Variants in ADRA1A observed in about 807,000 individuals in gnomAD.
ADRA1A encodes the protein alpha-1A adrenergic receptor.
In ADRA1A, 31 loss-of-function variants were observed where a neutral mutation model predicts 29.6. The ratio of observed to expected loss-of-function variants is 1.05; its 90% CI spans 0.79 to 1.41. The LOEUF is 1.41. ADRA1A is among the 40% of genes most tolerant of loss of function. The pLI, the probability that ADRA1A is intolerant of heterozygous loss-of-function variation, is 0.00. For synonymous variants in ADRA1A, 311 were observed against 254.3 expected (o/e 1.22, Z -2.12); for missense variants, 619 against 601.1 (o/e 1.03, Z -0.31).
At chr8:26,862,745 T>C (rs897875315) in intron 2 of ADRA1A, among the ~76,000 whole-genome samples, 8 of 152,228 alleles carry the variant, frequency 5.3e-5, no homozygotes, top group African/African-American at 1.4e-4. Flanking sequence ...GACCTATATC[T>C]CTGCTGTCTA....
intron 2 of ADRA1A, among the ~76,000 whole-genome samples, chr8:26,863,759 TAG>T (rs1813650889): frequency 6.6e-6 from 1 of 152,302 alleles, no homozygotes; most frequent in South Asian, 2.1e-4. Context: ...ACTCTGAGAC[TAG>T]AGAGAGCAGA....
intron 2 of ADRA1A, among the ~76,000 whole-genome samples, chr8:26,759,652 T>C (rs1016717431): frequency 8.5e-5 from 13 of 152,226 alleles, no homozygotes; most frequent in East Asian, 7.7e-4. Context: ...CTCTGCCCGA[T>C]GCTCAGCTTT....
chr8:26,809,178 A>G (rs1809205398), intron 2 of ADRA1A, among the ~76,000 whole-genome samples: 1 of 152,214 alleles, frequency 6.6e-6, no homozygotes. Flanking sequence ...ATTCCCCTAA[A>G]CAAACTTTAC....
intron 2 of ADRA1A, among the ~76,000 whole-genome samples, chr8:26,820,011 G>A (rs1208559211): frequency 1.3e-5 from 2 of 152,088 alleles, no homozygotes; most frequent in African/African-American, 4.8e-5. Context: ...CAGAAAAAAA[G>A]GTCGTTATAT....
At chr8:26,804,582 G>T (rs1808827833) in intron 2 of ADRA1A, among the ~76,000 whole-genome samples, 1 of 152,154 alleles carries the variant, frequency 6.6e-6, no homozygotes, top group Admixed American at 6.5e-5. Context: ...TTTGCCTGGG[G>T]ACAGAATCCG....
intron 2 of ADRA1A, among the ~76,000 whole-genome samples, chr8:26,859,622 C>G (rs1417362066): frequency 6.6e-6 from 1 of 152,076 alleles, no homozygotes; most frequent in Admixed American, 6.5e-5. Context: ...CCAGTACATT[C>G]TTGGAGGAAA....
intron 2 of ADRA1A, among the ~76,000 whole-genome samples, chr8:26,837,807 A>G (rs1811495424): frequency 6.6e-6 from 1 of 152,124 alleles, no homozygotes; most frequent in Non-Finnish European, 1.5e-5. Context: ...GTGAGCTGAC[A>G]TGTTTGGAGA....
At chr8:26,845,966 G>T (rs1283029164) in intron 2 of ADRA1A, among the ~76,000 whole-genome samples, 1 of 151,942 alleles carries the variant, frequency 6.6e-6, no homozygotes, top group Non-Finnish European at 1.5e-5. Flanking sequence ...TTCATTCTGG[G>T]GTCATGAAGT....
chr8:26,859,303 G>A (rs770362846), intron 2 of ADRA1A: 30 of 769,564 alleles, frequency 3.9e-5, no homozygotes, highest in East Asian at 6.4e-5. Flanking sequence ...ATAACATCTC[G>A]TTGACGACCC....
At position 26,769,343 on chromosome 8, in the gene ADRA1A, G is replaced by A. The variant is rs901762495; in HGVS notation, c.*806C>T. The A allele has an allele frequency of 2.9e-5, 29 of 985,168 alleles. No homozygotes were observed. Among genetic ancestry groups the A allele is most frequent in the Admixed American group, 6.1e-5 (1 of 16,264 alleles). 61.0% of individuals were successfully genotyped at this position (985,168 alleles called of 1,614,324 possible). On this transcript the variant is annotated 3_prime_UTR_variant, in exon 3 of 3. Transcript: ENST00000380573. ...TTAGAGAGAAAGCCTATCATCATCT[G>A]ATCTTGGAACTGTTTAATGGATTTT...
Position 26,756,773 on chromosome 8 carries a change from T to A in ADRA1A, c.1276A>T (p.Thr426Ser), listed in dbSNP as rs564092223. ...GGAAGCTGGCTTCATGTCATGGGTG[T>A]GTGTCCCTTTAAAACACAAGGTAGA... Residue 426 changes from threonine (T) to serine (S), a missense_variant, in exon 3 of 3, where the codon ACA (threonine) becomes TCA (serine). Coordinates refer to the ADRA1A transcript ENST00000380582. The A allele has an allele frequency of 7.4e-6, 12 of 1,613,658 alleles. No homozygotes were observed. In the South Asian group the frequency reaches 1.3e-4, roughly 18 times the overall value.
At chr8:26,767,442 G>T (rs1348461526), downstream of ADRA1A, among the ~76,000 whole-genome samples, 5 of 152,142 alleles carry the variant, frequency 3.3e-5, no homozygotes, top group Admixed American at 2.6e-4. Flanking sequence ...TAAGTTTTGG[G>T]TGACGTTATC....
chr8:26,756,939 G>T, intron 2 of ADRA1A: 1 of 1,131,672 alleles, frequency 8.8e-7, no homozygotes. Context: ...TCAGTAGAGC[G>T]GGTTCTCAAG....
At chr8:26,755,210 C>G (rs1171555461), downstream of ADRA1A, among the ~76,000 whole-genome samples, 3 of 137,730 alleles carry the variant, frequency 2.2e-5, no homozygotes, top group African/African-American at 5.4e-5. Context: ...TTTTTTTTCT[C>G]TGTTTAGCCA....
intron 2 of ADRA1A, among the ~76,000 whole-genome samples, chr8:26,803,775 A>G (rs961798747): frequency 2.6e-5 from 4 of 152,252 alleles, no homozygotes; most frequent in Admixed American, 6.5e-5. Context: ...GACACTTGAC[A>G]TAGGAAGATA....
chr8:26,782,514 GCCATGCCTT>G (rs1018627432), intron 2 of ADRA1A, among the ~76,000 whole-genome samples: 1 of 152,050 alleles, frequency 6.6e-6, no homozygotes, highest in African/African-American at 2.4e-5. Context: ...ATAGGAATTG[GCCATGCCTT>G]CCTCTTTCAT....
chr8:26,803,946 T>C (rs1808782384), intron 2 of ADRA1A, among the ~76,000 whole-genome samples: 1 of 114,976 alleles, frequency 8.7e-6, no homozygotes, highest in Admixed American at 1.0e-4. Flanking sequence ...TTTTTTGAGA[T>C]GATTTCACTC....
chr8:26,864,753 G>T lies in ADRA1A; in HGVS notation c.217C>A (p.Leu73Ile), dbSNP rs781501725. The T allele has an allele frequency of 6.2e-7, 1 of 1,614,058 alleles. No individual in the cohort carries two copies. ...YYIVNLAVAD[L>I]LLTSTVLPFS... ...GGCAGCACCGTGGAGGTGAGCAGGA[G>T]GTCGGCCACCGCCAGGTTGACGATG... The change falls in exon 2 of 3, where the codon CTC (leucine) becomes ATC (isoleucine). Residue 73 changes from leucine (L) to isoleucine (I), a missense_variant. By Grantham distance (5) the Leu-to-Ile change is conservative (BLOSUM62 2). Transcript: ENST00000380573. The surrounding 1 kb of genome is among the most constrained non-coding windows in gnomAD (Gnocchi z 8.1).
At chr8:26,791,531 T>G (rs1363796998) in intron 2 of ADRA1A, among the ~76,000 whole-genome samples, 1 of 152,112 alleles carries the variant, frequency 6.6e-6, no homozygotes, top group Admixed American at 6.6e-5. Context: ...CTGATCTAAT[T>G]TTCCCATGTG....
Sources: gnomAD v4.1 joint callset for allele counts (sites outside exome capture counted in the v4.1 genomes callset) on GRCh38, gnomAD v4.1.1 for gene constraint, Gnocchi (gnomAD v3.1) non-coding constraint, MANE v1.5 for transcripts, NCBI Gene and HGNC (gene_info 2026-07-23, HGNC 2026-07-21) for gene names.